Variants in GDE1 observed in about 807,000 individuals in gnomAD.
GDE1 encodes RGS16-interacting membrane protein.
GDE1 carries 24 observed loss-of-function variants against 32.2 expected under a neutral mutation model. The observed-to-expected ratio is 0.75, with a 90% confidence interval of 0.54 to 1.05. The LOEUF is 1.05. Ranked by LOEUF, GDE1 falls within the 50% of genes least tolerant of loss-of-function variation. GDE1 has a pLI of 0.00. For synonymous variants in GDE1, 159 were observed against 158.6 expected, an observed-to-expected ratio of 1.00 and a Z score of -0.02; for missense variants, 380 against 415.0, an observed-to-expected ratio of 0.92 and a Z score of 0.73.
intron 2 of GDE1, among the ~76,000 whole-genome samples, chr16:19,514,607 C>T (rs1969357714): frequency 6.6e-6 from 1 of 152,064 alleles, no homozygotes; most frequent in African/African-American, 2.4e-5. Flanking sequence ...TTAAGTGCAA[C>T]TGTTTAAAAT....
rs368243710 is a variant in GDE1 at position 19,509,471 on chromosome 16, G to A, written c.543+1368C>T. Among the ~76,000 whole-genome samples the A allele has an allele frequency of 3.0e-3, 457 of 152,154 alleles. 3 individuals carry two copies. The highest frequency in any genetic ancestry group is 0.01 in the African/African-American group (432 of 41,488). Reference sequence around the variant, plus strand: ...GACATTTTCAGAATCTCTTCCCTAGGGAGAATGGCCCAGGAATTTATATTT... The same window carrying A: ...GACATTTTCAGAATCTCTTCCCTAGAGAGAATGGCCCAGGAATTTATATTT... On this transcript the variant is annotated intron_variant, in intron 3 of 5. Transcript: ENST00000353258.
intron 2 of GDE1, 106 bp downstream of exon 2, chr16:19,516,903 TCAAAA>T: frequency 1.1e-6 from 1 of 948,086 alleles, no homozygotes; most frequent in Non-Finnish European, 1.6e-6. Flanking sequence ...TACGTACAGT[TCAAAA>T]CAAAACAAGA....
intron 1 of GDE1, among the ~76,000 whole-genome samples, chr16:19,519,473 T>TATATATATAC (rs1491583827): frequency 6.8e-6 from 1 of 146,144 alleles, no homozygotes; most frequent in East Asian, 2.0e-4. Context: ...TATATATATA[T>TATATATATAC]ACATACACAA....
In GDE1 at chr16:19,510,826, A is replaced by C; in HGVS notation, c.543+13T>G. Reference sequence around the variant, plus strand: ...TCTTTTTAACAAAGTGAAGTCCACAATTTAAACTGTACCTTGTGTGCATGG... The same window carrying C: ...TCTTTTTAACAAAGTGAAGTCCACACTTTAAACTGTACCTTGTGTGCATGG... On this transcript the variant is annotated intron_variant, in intron 3 of 5. Transcript: ENST00000353258. 1.5e-6 allele frequency: 2 copies of C among 1,362,410 alleles called. No individual in the cohort carries two copies. The highest frequency in any genetic ancestry group is 2.0e-6 in the Non-Finnish European group (2 of 986,050). 84.4% of individuals were successfully genotyped at this position (1,362,410 alleles called of 1,614,324 possible).
intron 2 of GDE1, among the ~76,000 whole-genome samples, chr16:19,511,438 T>C (rs939603913): frequency 5.3e-5 from 8 of 152,186 alleles, no homozygotes; most frequent in African/African-American, 1.9e-4. Context: ...ATAGATATTC[T>C]TTTTTCCACA....
chr16:19,511,242 A>G (rs1969315497), intron 2 of GDE1, among the ~76,000 whole-genome samples: 1 of 151,878 alleles, frequency 6.6e-6, no homozygotes, highest in African/African-American at 2.4e-5. Context: ...AGCTAGGACT[A>G]CAGGCGTGTG....
intron 2 of GDE1, among the ~76,000 whole-genome samples, chr16:19,516,246 G>A (rs530863809): frequency 3.3e-5 from 5 of 152,266 alleles, no homozygotes; most frequent in East Asian, 3.9e-4. Flanking sequence ...ATTGGGGGCA[G>A]CTAAAAACAG....
chr16:19,515,707 C>T (rs559885736), intron 2 of GDE1, among the ~76,000 whole-genome samples: 1 of 152,256 alleles, frequency 6.6e-6, no homozygotes, highest in Non-Finnish European at 1.5e-5. Flanking sequence ...TACAGTATGA[C>T]TTCCTTCGGC....
intron 2 of GDE1, among the ~76,000 whole-genome samples, chr16:19,512,953 GTGTGT>G (rs1225319072): frequency 1.3e-5 from 2 of 151,424 alleles, no homozygotes; most frequent in African/African-American, 4.9e-5. Flanking sequence ...GTGTGTGTGT[GTGTGT>G]GTGTGTGTGT....
intron 3 of GDE1, among the ~76,000 whole-genome samples, chr16:19,509,685 A>G (rs1969292065): frequency 1.4e-5 from 2 of 144,368 alleles, no homozygotes; most frequent in South Asian, 2.2e-4. Context: ...TTTGAGACGG[A>G]GTCTCGCTCT....
intron 1 of GDE1, among the ~76,000 whole-genome samples, chr16:19,518,060 G>T (rs866526707): frequency 3.3e-5 from 5 of 151,820 alleles, no homozygotes; most frequent in South Asian, 2.1e-4. Flanking sequence ...GCTAATTTTT[G>T]TATTTTTTGT....
At chr16:19,512,171 A>G (rs567893787) in intron 2 of GDE1, among the ~76,000 whole-genome samples, 4 of 152,250 alleles carry the variant, frequency 2.6e-5, no homozygotes, top group African/African-American at 9.6e-5. Flanking sequence ...GGCTGTACTA[A>G]TTTACATTCC....
chr16:19,506,084 T>G (rs1373457129), intron 4 of GDE1, among the ~76,000 whole-genome samples: 1 of 152,166 alleles, frequency 6.6e-6, no homozygotes, highest in Non-Finnish European at 1.5e-5. Flanking sequence ...AAGTGCCTCC[T>G]GACGGAAAAA....
chr16:19,504,879 A>G lies in GDE1; in HGVS notation c.848+2T>C. 2 of 1,591,792 alleles carry G rather than the reference A, an allele frequency of 1.3e-6. No homozygotes were observed. Among genetic ancestry groups the G allele is most frequent in the Non-Finnish European group, 1.7e-6 (2 of 1,161,266 alleles). Reference sequence around the variant, plus strand: ...GGTAAAATAAAAAACCTTCCAACTTACGGGGATACAAAATCCTTTTGCATG... The same window carrying G: ...GGTAAAATAAAAAACCTTCCAACTTGCGGGGATACAAAATCCTTTTGCATG... On this transcript the variant is annotated splice_donor_variant, in intron 5 of 5. Coordinates refer to ENST00000353258, the MANE Select transcript of GDE1 (RefSeq NM_016641.4). LOFTEE classifies it high-confidence loss of function.
chr16:19,519,436 G>A (rs1040780230), intron 1 of GDE1, among the ~76,000 whole-genome samples: 15 of 91,980 alleles, frequency 1.6e-4, no homozygotes, highest in Non-Finnish European at 3.0e-4. Flanking sequence ...ACCTATATAT[G>A]TGTGTGTATG....
intron 5 of GDE1, chr16:19,503,849 C>T (rs943955648): frequency 1.2e-5 from 5 of 427,928 alleles, no homozygotes; most frequent in African/African-American, 3.9e-5. Context: ...TCGCCACCCC[C>T]AAATGTCCTT....
intron 3 of GDE1, 58 bp downstream of exon 3, chr16:19,510,781 A>G (rs1031508322): frequency 2.7e-6 from 2 of 734,068 alleles, no homozygotes; most frequent in Non-Finnish European, 2.3e-6. Context: ...TTCGGAAATG[A>G]CCGTCAATGA....
In GDE1 at chr16:19,504,862, A is replaced by T; in HGVS notation, c.848+19T>A. The T allele has an allele frequency of 6.5e-7, 1 of 1,528,932 alleles. No homozygotes were observed. The highest frequency in any genetic ancestry group is 9.0e-7 in the Non-Finnish European group (1 of 1,108,698). The allele number at this position is 1,528,932 out of a possible 1,614,324, so 94.7% of individuals were successfully genotyped here. On this transcript the variant is annotated intron_variant, in intron 5 of 5. Transcript: ENST00000353258. Reference sequence around the variant, plus strand: ...TTCAGGATGTCTGTCTGGGTAAAATAAAAAACCTTCCAACTTACGGGGATA... The same window carrying T: ...TTCAGGATGTCTGTCTGGGTAAAATTAAAAACCTTCCAACTTACGGGGATA...
Position 19,521,855 on chromosome 16 carries a change from C to T in GDE1, c.110G>A (p.Ser37Asn), listed in dbSNP as rs1472931944. 6.2e-7 allele frequency: 1 copy of T among 1,608,312 alleles called. No individual in the cohort carries two copies. Among genetic ancestry groups the T allele is most frequent in the Non-Finnish European group, 8.5e-7 (1 of 1,178,156 alleles). ...SPVNACLLTG[S>N]LFVLLRVFSF... is the part of the protein sequence containing the mutation. The stretch of plus-strand genomic sequence containing the variant: ...GAAGACGCGCAGTAGAACGAAGAGG[C>T]TGCCGGTGAGGAGGCAGGCATTGAC... The change falls in exon 1 of 6, where the codon AGC (serine) becomes AAC (asparagine). Residue 37 changes from serine to asparagine, a missense_variant. Coordinates refer to ENST00000353258, the MANE Select transcript of GDE1 (RefSeq NM_016641.4).
Sources: allele counts gnomAD v4.1 joint callset (sites outside exome capture counted in the v4.1 genomes callset), GRCh38; gene constraint gnomAD v4.1.1; transcripts MANE v1.5; gene names NCBI Gene and HGNC (gene_info 2026-07-23, HGNC 2026-07-21).